The following ZNF497 variants were observed in gnomAD, a reference collection of about 807,000 sequenced individuals.
ZNF497 encodes the protein zinc finger protein 497, also known as zinc finger-like protein.
For synonymous variants in ZNF497, 422 were observed against 313.7 expected (o/e 1.35, Z -3.65); for missense variants, 930 against 714.0 (o/e 1.30, Z -3.45).
At position 58,355,867 on chromosome 19, in the gene ZNF497, A is replaced by C; in HGVS notation, c.*272T>G. 6.8e-6 allele frequency: 3 copies of C among 443,320 alleles called. No individual in the cohort carries two copies. Among genetic ancestry groups the C allele is most frequent in the East Asian group, 3.8e-5 (1 of 26,040 alleles). 27.5% of individuals were successfully genotyped at this position (443,320 alleles called of 1,614,324 possible). A position where few individuals can be genotyped will look rare whatever the true frequency, so the allele number is the denominator to read the frequency against. On this transcript the variant is annotated 3_prime_UTR_variant, in exon 3 of 3. Coordinates refer to ENST00000311044, the MANE Select transcript of ZNF497 (RefSeq NM_198458.3). ...GACCCCAGTTCTTGCCCACCTCTGC[A>C]TGGACGAACCTCTCGCCGAAGTGGA...
chr19:58,359,818 C>T (rs2052071224), intron 1 of ZNF497, among the ~76,000 whole-genome samples: 1 of 151,954 alleles, frequency 6.6e-6, no homozygotes, highest in South Asian at 2.1e-4. Flanking sequence ...ACTAAAAATA[C>T]AAAAATTAGC....
chr19:58,356,336 G>A lies in ZNF497; in HGVS notation c.1300C>T (p.Arg434Cys), dbSNP rs1334065141. The stretch of plus-strand genomic sequence containing the variant: ...AACGGCCTCTCGCCAGAGTGCAGGC[G>A]CTGGTGCTGGCGCAGCTCGGAGCTG... ...RGSSELRQHQ[R>C]LHSGERPFVC... Residue 434 changes from arginine (R) to cysteine (C), a missense_variant, in exon 3 of 3, where the codon CGC (arginine) becomes TGC (cysteine). Physicochemically the swap from Arg to Cys is radical, Grantham distance 180. Transcript: ENST00000311044. 13 of 1,570,794 alleles carry A rather than the reference G, an allele frequency of 8.3e-6. No homozygotes were observed. The highest frequency in any genetic ancestry group is 1.2e-5 in the South Asian group (1 of 86,776).
Position 58,356,052 on chromosome 19 carries a change from A to T in ZNF497, c.*87T>A. ...GAGGGCGCCCGCACCGGCGGCCCGA[A>T]AAAGTCTGGGCCAGCAGACAGCGCA... On this transcript the variant is annotated 3_prime_UTR_variant, in exon 3 of 3. Coordinates refer to ENST00000311044, the MANE Select transcript of ZNF497 (RefSeq NM_198458.3). 7.1e-7 allele frequency: 1 copy of T among 1,415,874 alleles called. No individual in the cohort carries two copies. The highest frequency in any genetic ancestry group is 9.2e-7 in the Non-Finnish European group (1 of 1,082,662). The allele number at this position is 1,415,874 out of a possible 1,614,324, so 87.7% of individuals were successfully genotyped here.
At chr19:58,362,647 T>A (rs1001304020) in intron 1 of ZNF497, 30 bp downstream of exon 1, 1 of 151,920 alleles carries the variant, frequency 6.6e-6, no homozygotes, top group African/African-American at 2.4e-5. Context: ...GATCTGTGCC[T>A]GGCCGAGGGT....
rs2052043511 is a variant in ZNF497, at chr19:58,357,610, A to C, written c.26T>G (p.Leu9Arg). The change falls in exon 3 of 3, where the codon CTG (leucine) becomes CGG (arginine). Residue 9 changes from leucine (L) to arginine (R), a missense_variant. Transcript: ENST00000311044. ...CTGGCCTTCCTCTGGGGCCACCTGC[A>C]GGGTCCACCCTCTTGGGGACTCCAT... The part of the protein sequence containing the change: MESPRGWT[L>R]QVAPEEGQVL... 8 of 1,548,138 alleles carry C rather than the reference A, an allele frequency of 5.2e-6. No homozygotes were observed. Among genetic ancestry groups the C allele is most frequent in the African/African-American group, 1.4e-5 (1 of 72,536 alleles).
In ZNF497 at chr19:58,357,586, T is replaced by C. The variant is rs2052043149; in HGVS notation, c.50A>G (p.Gln17Arg). The part of the protein sequence containing the change: ...WTLQVAPEEG[Q>R]VLCNVKTATR... ...GGCAGTCTTCACATTGCAGAGGACC[T>C]GGCCTTCCTCTGGGGCCACCTGCAG... The change falls in exon 3 of 3, where the codon CAG becomes CGG. Residue 17 changes from glutamine (Q) to arginine (R), a missense_variant. Coordinates refer to ENST00000311044, the MANE Select transcript of ZNF497 (RefSeq NM_198458.3). 1.3e-6 allele frequency: 2 copies of C among 1,579,790 alleles called. No individual in the cohort carries two copies. Among genetic ancestry groups the C allele is most frequent in the Admixed American group, 3.7e-5 (2 of 53,384 alleles).
chr19:58,359,643 G>A (rs559215696), intron 1 of ZNF497: 1 of 352,232 alleles, frequency 2.8e-6, no homozygotes, highest in African/African-American at 2.1e-5. Flanking sequence ...CAGACCAGCA[G>A]ATGGGTCCTG....
In ZNF497 at chr19:58,356,669, T is replaced by G. The variant is rs749047016; in HGVS notation, c.967A>C (p.Thr323Pro). 1.9e-5 allele frequency: 29 copies of G among 1,550,664 alleles called. No individual in the cohort carries two copies. In the East Asian group the frequency reaches 6.5e-4, roughly 35 times the overall value. The change falls in exon 3 of 3, where the codon ACG (threonine) becomes CCG (proline). Residue 323 changes from threonine to proline, a missense_variant. Physicochemically the swap from Thr to Pro is conservative, Grantham distance 38 (BLOSUM62 -1). Coordinates refer to ENST00000311044, the MANE Select transcript of ZNF497 (RefSeq NM_198458.3). ...TCGAAGGGCCGCTCACCAGTGTGCG[T>G]GCGCTGGTGCTGCAGGAGCTGCGAG... ...ESSQLLQHQR[T>P]HTGERPFECA... is the part of the protein sequence containing the mutation.
At chr19:58,360,391 C>T (rs954540340) in intron 1 of ZNF497, among the ~76,000 whole-genome samples, 1 of 150,806 alleles carries the variant, frequency 6.6e-6, no homozygotes, top group Non-Finnish European at 1.5e-5. Context: ...TTTCTTTTGA[C>T]AGGGTCTGGC....
Position 58,357,309 on chromosome 19 carries a change from C to T in ZNF497, c.327G>A (p.Gly109=). 2 of 1,608,392 alleles carry T rather than the reference C, an allele frequency of 1.2e-6. No individual in the cohort carries two copies. Among genetic ancestry groups the T allele is most frequent in the Non-Finnish European group, 1.7e-6 (2 of 1,177,836 alleles). The change falls in exon 3 of 3, where the codon GGG becomes GGA. Residue 109 remains glycine (G), a synonymous_variant. Coordinates refer to ENST00000311044, the MANE Select transcript of ZNF497 (RefSeq NM_198458.3). ...PLPEEPGCRC[G]ECGKAFSQGS... ...CCTGGCTGAACGCCTTGCCGCACTC[C>T]CCGCACCGGCAGCCCGGCTCCTCTG...
rs2052037406 is a variant in ZNF497 at position 58,357,237 on chromosome 19, C to T, written c.399G>A (p.Pro133=). The change falls in exon 3 of 3, where the codon CCG becomes CCA. Residue 133 remains proline, a synonymous_variant. Coordinates refer to ENST00000311044, the MANE Select transcript of ZNF497 (RefSeq NM_198458.3). ...QHRRVHTGEK[P]YTCPECGKAF... ...CCTTGCCGCACTCGGGGCACGTGTA[C>T]GGCTTCTCGCCTGTGTGCACGCGCC... 6.2e-7 allele frequency: 1 copy of T among 1,612,054 alleles called. No homozygotes were observed. Among genetic ancestry groups the T allele is most frequent in the Non-Finnish European group, 8.5e-7 (1 of 1,179,482 alleles).
chr19:58,357,177 C>A lies in ZNF497; in HGVS notation c.459G>T (p.Gln153His). ...FAWSSNLSQH[Q>H]RIHSGEKPYA... ...AGGGCTTCTCGCCGCTGTGGATGCG[C>A]TGGTGCTGGCTGAGGTTGGAGCTCC... The change falls in exon 3 of 3, where the codon CAG becomes CAT. Residue 153 changes from glutamine (Q) to histidine (H), a missense_variant. Coordinates refer to ENST00000311044, the MANE Select transcript of ZNF497 (RefSeq NM_198458.3). 6.2e-7 allele frequency: 1 copy of A among 1,613,282 alleles called. No homozygotes were observed. Among genetic ancestry groups the A allele is most frequent in the Non-Finnish European group, 8.5e-7 (1 of 1,179,832 alleles).
chr19:58,362,317 C>T (rs2052102751), intron 1 of ZNF497, among the ~76,000 whole-genome samples: 1 of 152,192 alleles, frequency 6.6e-6, no homozygotes, highest in South Asian at 2.1e-4. Flanking sequence ...CGAAACTACC[C>T]GGGGCTGGGG....
rs1401382594 is a variant in ZNF497, at chr19:58,357,112, G to A, written c.524C>T (p.Ser175Leu). Residue 175 changes from serine (S) to leucine (L), a missense_variant, in exon 3 of 3, where the codon TCG becomes TTG. By Grantham distance (145) the Ser-to-Leu change is moderately radical. Coordinates refer to ENST00000311044, the MANE Select transcript of ZNF497 (RefSeq NM_198458.3). ...TGTCTCCTGGTGGTGGATGAGCTGC[G>A]AGTGCGCGCGGAAGGCCTTGCCGCA... ...RECGKAFRAH[S>L]QLIHHQETHS... 1 of 1,609,238 alleles carries A rather than the reference G, an allele frequency of 6.2e-7. No individual in the cohort carries two copies. Among genetic ancestry groups the A allele is most frequent in the Non-Finnish European group, 8.5e-7 (1 of 1,176,640 alleles).
chr19:58,357,088 G>A lies in ZNF497; in HGVS notation c.548C>T (p.Thr183Ile), dbSNP rs779391078. ...AHSQLIHHQE[T>I]HSGLKPFRCP... ...GCGGAAGGGCTTCAGGCCGCTGTGT[G>A]TCTCCTGGTGGTGGATGAGCTGCGA... The change falls in exon 3 of 3, where the codon ACA (threonine) becomes ATA (isoleucine). Residue 183 changes from threonine to isoleucine, a missense_variant. By Grantham distance (89) the Thr-to-Ile change is moderately conservative. Coordinates refer to ENST00000311044, the MANE Select transcript of ZNF497 (RefSeq NM_198458.3). 1.9e-6 allele frequency: 3 copies of A among 1,608,430 alleles called. No homozygotes were observed. Among genetic ancestry groups the A allele is most frequent in the South Asian group, 2.2e-5 (2 of 90,882 alleles).
At chr19:58,358,166 T>TG (rs1469417860) in intron 2 of ZNF497, 2 of 1,289,810 alleles carry the variant, frequency 1.6e-6, no homozygotes, top group African/African-American at 3.0e-5. Flanking sequence ...CCACACAGTA[T>TG]GGGCAGCATG....
chr19:58,357,760 C>A, intron 2 of ZNF497, 111 bp from the exon 3 acceptor site: 2 of 1,261,394 alleles, frequency 1.6e-6, no homozygotes, highest in Non-Finnish European at 2.1e-6. Flanking sequence ...TCTTCTCCTC[C>A]AGGTCCCTGG....
At chr19:58,359,865 C>T (rs897948084) in intron 1 of ZNF497, among the ~76,000 whole-genome samples, 54 of 151,584 alleles carry the variant, frequency 3.6e-4, no homozygotes, top group Non-Finnish European at 4.4e-4. Flanking sequence ...CCCAGCTACT[C>T]GGGAGGCTGA....
intron 2 of ZNF497, 66 bp from the exon 3 acceptor site, chr19:58,357,715 G>A: frequency 1.4e-6 from 2 of 1,429,638 alleles, no homozygotes; most frequent in South Asian, 1.5e-5. Flanking sequence ...AGGGCCTGAG[G>A]GGGACACGAC....
Sources: allele counts gnomAD v4.1 joint callset (sites outside exome capture counted in the v4.1 genomes callset), GRCh38; gene constraint gnomAD v4.1.1; transcripts MANE v1.5; gene names NCBI Gene and HGNC (gene_info 2026-07-23, HGNC 2026-07-21).